The following TANK variants were observed in gnomAD, a reference collection of about 807,000 sequenced individuals.
TANK encodes the protein TRAF family member-associated NF-kappa-B activator.
In TANK, 15 loss-of-function variants were observed where a neutral mutation model predicts 43.6. That is an observed-to-expected ratio of 0.34 (90% confidence interval 0.23 to 0.53). The LOEUF is 0.53. TANK is among the 20% of genes least tolerant of loss of function. The pLI is 0.94. For missense variants in TANK, 417 were observed against 498.6 expected, an observed-to-expected ratio of 0.84 and a Z score of 1.56; for synonymous variants, 162 against 178.2, an observed-to-expected ratio of 0.91 and a Z score of 0.73.
At position 161,151,176 on chromosome 2, in the gene TANK, A is replaced by G. The variant is rs976170734; in HGVS notation, c.-50+14113A>G. ...TTTCAATCTTTTTAAATATATTAAG[A>G]CTTTTTGTGGCCTAACATTTGATCT... On this transcript the variant is annotated intron_variant, in intron 1 of 7. Transcript: ENST00000259075. 9.2e-5 allele frequency among the ~76,000 whole-genome samples: 14 copies of G among 152,138 alleles called. 1 individual carries two copies. The highest frequency in any genetic ancestry group is 4.4e-5 in the Non-Finnish European group (3 of 68,024).
intron 1 of TANK, among the ~76,000 whole-genome samples, chr2:161,173,066 T>A (rs1360209599): frequency 6.6e-6 from 1 of 152,164 alleles, no homozygotes; most frequent in Non-Finnish European, 1.5e-5. Flanking sequence ...AGAGTGACAT[T>A]CGAGGTCTAC....
At chr2:161,206,184 A>T in intron 4 of TANK, among the ~76,000 whole-genome samples, 1 of 152,090 alleles carries the variant, frequency 6.6e-6, no homozygotes. Context: ...AAATGTTAAC[A>T]CTTGTTAACT....
chr2:161,204,966 G>A, intron 4 of TANK, 173 bp downstream of exon 4: 1 of 1,392,384 alleles, frequency 7.2e-7, no homozygotes, highest in Non-Finnish European at 9.3e-7. Context: ...AATAAAGGCT[G>A]AGGTTTTGTA....
At chr2:161,182,532 A>G (rs1027165545) in intron 2 of TANK, among the ~76,000 whole-genome samples, 1 of 152,146 alleles carries the variant, frequency 6.6e-6, no homozygotes, top group Non-Finnish European at 1.5e-5. Context: ...GAAGAGACAT[A>G]TAAGGTGAGG....
chr2:161,145,191 A>C (rs1349774516), intron 1 of TANK, among the ~76,000 whole-genome samples: 16 of 91,828 alleles, frequency 1.7e-4, no homozygotes, highest in African/African-American at 7.2e-4. Flanking sequence ...ATGTTCCTCC[A>C]TCCCTTTATT....
At chr2:161,168,747 C>T (rs763971626) in intron 1 of TANK, among the ~76,000 whole-genome samples, 22 of 152,144 alleles carry the variant, frequency 1.4e-4, no homozygotes, top group Non-Finnish European at 2.6e-4. Context: ...GCACAAGAAT[C>T]GCTTGAATCC....
intron 1 of TANK, among the ~76,000 whole-genome samples, chr2:161,173,512 A>C (rs532235922): frequency 6.6e-6 from 1 of 152,106 alleles, no homozygotes; most frequent in Non-Finnish European, 1.5e-5. Context: ...TTTACTTAAC[A>C]GTTTTCTTCT....
At chr2:161,203,637 G>T in intron 3 of TANK, 42 bp downstream of exon 3, 1 of 1,329,164 alleles carries the variant, frequency 7.5e-7, no homozygotes, top group Admixed American at 2.0e-5. Context: ...AGAACCTCTT[G>T]GTGAAAAGAA....
chr2:161,210,226 T>C (rs1686820351), intron 4 of TANK, among the ~76,000 whole-genome samples: 1 of 152,192 alleles, frequency 6.6e-6, no homozygotes, highest in Admixed American at 6.6e-5. Flanking sequence ...GTGCTGTACC[T>C]GACAACTTCA....
At chr2:161,145,133 C>CATT (rs1491314658) in intron 1 of TANK, among the ~76,000 whole-genome samples, 1 of 32,830 alleles carries the variant, frequency 3.0e-5, no homozygotes. Flanking sequence ...GCAACCCCTG[C>CATT]TTTTTTTTTT....
chr2:161,183,605 G>T (rs1200400481), intron 2 of TANK, among the ~76,000 whole-genome samples: 1 of 151,894 alleles, frequency 6.6e-6, no homozygotes, highest in Non-Finnish European at 1.5e-5. Flanking sequence ...GCTCACATTA[G>T]CATATATTCC....
intron 4 of TANK, among the ~76,000 whole-genome samples, chr2:161,215,511 T>C (rs1003161196): frequency 6.6e-6 from 1 of 152,230 alleles, no homozygotes; most frequent in African/African-American, 2.4e-5. Flanking sequence ...AGTAGATACC[T>C]GCATTTTCTA....
At chr2:161,221,673 T>C (rs890010623) in intron 4 of TANK, among the ~76,000 whole-genome samples, 3 of 152,060 alleles carry the variant, frequency 2.0e-5, no homozygotes, top group Non-Finnish European at 4.4e-5. Context: ...TTTTTTTTTT[T>C]TTTTCCCCCA....
At chr2:161,199,365 C>G (rs1686301866) in intron 2 of TANK, among the ~76,000 whole-genome samples, 1 of 151,350 alleles carries the variant, frequency 6.6e-6, no homozygotes, top group Non-Finnish European at 1.5e-5. Context: ...AAATGTTTGA[C>G]TTAGGATATT....
chr2:161,218,316 C>T (rs900668263), intron 4 of TANK, among the ~76,000 whole-genome samples: 13 of 152,050 alleles, frequency 8.5e-5, no homozygotes, highest in Non-Finnish European at 1.2e-4. Flanking sequence ...TGCCTTGGTG[C>T]AATATGTAAA....
intron 1 of TANK, among the ~76,000 whole-genome samples, chr2:161,168,964 G>T (rs554944450): frequency 6.6e-6 from 1 of 152,314 alleles, no homozygotes; most frequent in South Asian, 2.1e-4. Flanking sequence ...CAAAGGATCC[G>T]TTAAGTCAGA....
intron 1 of TANK, among the ~76,000 whole-genome samples, chr2:161,155,074 T>C (rs2105234986): frequency 6.6e-6 from 1 of 152,270 alleles, no homozygotes; most frequent in East Asian, 1.9e-4. Context: ...TAAATTCTAC[T>C]TGTAGTTATT....
intron 1 of TANK, among the ~76,000 whole-genome samples, chr2:161,138,562 TAC>T (rs1398985069): frequency 3.9e-5 from 6 of 152,180 alleles, no homozygotes; most frequent in Non-Finnish European, 8.8e-5. Context: ...CCCTCCAGGA[TAC>T]ACTTCCACAT....
chr2:161,182,995 G>C (rs1573997839), intron 2 of TANK, among the ~76,000 whole-genome samples: 1 of 152,130 alleles, frequency 6.6e-6, no homozygotes, highest in South Asian at 2.1e-4. Context: ...TGTAACAAAA[G>C]ACTATAACAA....
Sources: gnomAD v4.1 joint callset for allele counts (sites outside exome capture counted in the v4.1 genomes callset) on GRCh38, gnomAD v4.1.1 for gene constraint, MANE v1.5 for transcripts, NCBI Gene and HGNC (gene_info 2026-07-23, HGNC 2026-07-21) for gene names.